Variants in NFIA observed in about 807,000 individuals in gnomAD.
The protein encoded by NFIA is nuclear factor I A.
Under a neutral mutation model 62.8 loss-of-function variants are expected in NFIA, and 8 were observed. That is an observed-to-expected ratio of 0.13 (90% CI 0.07 to 0.23). The LOEUF is 0.23. Ranked by LOEUF, NFIA falls within the 10% of genes least tolerant of loss-of-function variation. The pLI, the probability that NFIA is intolerant of heterozygous loss-of-function variation, is 1.00. For missense variants in NFIA, 410 were observed against 642.1 expected, an observed-to-expected ratio of 0.64 and a Z score of 3.91; for synonymous variants, 235 against 238.1, an observed-to-expected ratio of 0.99 and a Z score of 0.12.
upstream of NFIA, chr1:61,082,167 C>T: frequency 1.6e-6 from 1 of 631,990 alleles, no homozygotes; most frequent in Non-Finnish European, 2.6e-6. Context: ...AACTGCTCCT[C>T]ACTGCGTTAC....
intron 8 of NFIA, among the ~76,000 whole-genome samples, 196 bp from the exon 9 acceptor site, chr1:61,406,366 T>C (rs995483066): frequency 6.6e-6 from 1 of 152,162 alleles, no homozygotes; most frequent in Non-Finnish European, 1.5e-5. Context: ...AAGAGTACTT[T>C]TGTGAAATGC....
At chr1:61,299,136 T>TAGTTACATTC (rs1206309166) in intron 3 of NFIA, among the ~76,000 whole-genome samples, 1 of 152,204 alleles carries the variant, frequency 6.6e-6, no homozygotes, top group Non-Finnish European at 1.5e-5. Context: ...TGATCTTCTC[T>TAGTTACATTC]AGTTACATTC....
At chr1:61,402,196 C>G (rs1225281417) in intron 7 of NFIA, among the ~76,000 whole-genome samples, 3 of 151,872 alleles carry the variant, frequency 2.0e-5, no homozygotes, top group African/African-American at 7.3e-5. Flanking sequence ...CACCACCACA[C>G]CTGGCTAATT....
chr1:61,406,542 T>TTGGGGGGGGGGGGGGGGGG lies in NFIA; in HGVS notation c.1255-20_1255-19insTGGGGGGGGGGGGGGGGGG. 1 of 1,253,830 alleles carries TTGGGGGGGGGGGGGGGGGG rather than the reference T, an allele frequency of 8.0e-7. No individual in the cohort carries two copies. The allele number at this position is 1,253,830 out of a possible 1,614,324, so 77.7% of individuals were successfully genotyped here. A position where few individuals can be genotyped will look rare whatever the true frequency, so the allele number is the denominator to read the frequency against. ...TTCTTTTTCTTGTACGTGTGTTTTC[T>TTGGGGGGGGGGGGGGGGGG]GCCCCCCCCCCCCCCACAGCCCAAT... is the stretch of plus-strand genomic sequence containing the variant. On this transcript the variant is annotated intron_variant, in intron 8 of 10. Transcript: ENST00000403491.
At chr1:61,087,439 G>A (rs150806359) in intron 1 of NFIA, among the ~76,000 whole-genome samples, 1,776 of 150,610 alleles carry the variant, frequency 0.012, 20 homozygotes, top group Middle Eastern at 0.065. Flanking sequence ...TTATGTCTTG[G>A]GCATAGATCT....
At chr1:61,099,930 A>G (rs2100433982) in intron 2 of NFIA, among the ~76,000 whole-genome samples, 1 of 152,288 alleles carries the variant, frequency 6.6e-6, no homozygotes, top group South Asian at 2.1e-4. Context: ...CCAGGGTTAT[A>G]TGGTTAATAA....
At chr1:61,411,306 G>C (rs746916599) in intron 9 of NFIA, among the ~76,000 whole-genome samples, 1 of 152,106 alleles carries the variant, frequency 6.6e-6, no homozygotes, top group Non-Finnish European at 1.5e-5. Flanking sequence ...ATCCTTACCA[G>C]CGCCCTAAGA....
At chr1:61,082,293 C>G, upstream of NFIA, 1 of 314,754 alleles carries the variant, frequency 3.2e-6, no homozygotes, top group Non-Finnish European at 5.3e-6. Context: ...AGCGAGCCAG[C>G]CTGCGAGCGC....
chr1:61,170,607 C>T (rs1039320701), intron 2 of NFIA, among the ~76,000 whole-genome samples: 6 of 152,178 alleles, frequency 3.9e-5, no homozygotes, highest in African/African-American at 1.4e-4. Context: ...TGCCCTCCCC[C>T]ACACCCCCAG....
intron 10 of NFIA, among the ~76,000 whole-genome samples, chr1:61,433,177 G>A (rs1667180600): frequency 6.6e-6 from 1 of 152,222 alleles, no homozygotes; most frequent in Non-Finnish European, 1.5e-5. Flanking sequence ...CCTGGCTCCA[G>A]TGGGACTGTG....
intron 10 of NFIA, among the ~76,000 whole-genome samples, chr1:61,448,541 TA>T (rs924834811): frequency 1.2e-4 from 19 of 152,208 alleles, no homozygotes; most frequent in African/African-American, 4.1e-4. Context: ...GCCAGGCATT[TA>T]ATCCCCACAA....
intron 2 of NFIA, among the ~76,000 whole-genome samples, chr1:61,265,973 T>C (rs1281128335): frequency 1.3e-5 from 2 of 152,236 alleles, no homozygotes; most frequent in African/African-American, 4.8e-5. Flanking sequence ...CAGCAGCAAA[T>C]AAGCAAATAT....
rs913008294 is a variant in NFIA, at chr1:61,107,567, A to G, written c.559+18887A>G. Among the ~76,000 whole-genome samples, 24 of 151,468 alleles carry G rather than the reference A, an allele frequency of 1.6e-4. 1 individual carries two copies. Among genetic ancestry groups the G allele is most frequent in the Middle Eastern group, 6.8e-3 (2 of 294 alleles). ...TGTAGGAGTTCTTTATAGATTCTGC[A>G]TTCTAATTTTTGGCCAGTGTACGTT... On this transcript the variant is annotated intron_variant, in intron 2 of 10. Transcript: ENST00000403491.
chr1:61,391,419 A>G (rs1402715977), intron 7 of NFIA, among the ~76,000 whole-genome samples: 1 of 143,796 alleles, frequency 7.0e-6, no homozygotes, highest in Non-Finnish European at 1.5e-5. Context: ...GTTAAACCCC[A>G]CTTCTTTATG....
At position 61,293,142 on chromosome 1, in the gene NFIA, C is replaced by T. The variant is rs999126813; in HGVS notation, c.625+15557C>T. Among the ~76,000 whole-genome samples, 6 of 152,152 alleles carry T rather than the reference C, an allele frequency of 3.9e-5. No homozygotes were observed. The South Asian group carries it at 8.3e-4, about 21-fold the overall frequency. On this transcript the variant is annotated intron_variant, in intron 3 of 10. Transcript: ENST00000403491. ...TTTAAGAGCACTTAGGTCACTCTGC[C>T]ATGTTACCATTGCCCTCTCTTCCTC...
intron 2 of NFIA, among the ~76,000 whole-genome samples, chr1:61,218,415 A>C (rs570782391): frequency 6.6e-6 from 1 of 152,340 alleles, no homozygotes; most frequent in South Asian, 2.1e-4. Context: ...GTTCCCAGAC[A>C]TTCCCACAGA....
chr1:61,194,383 CAG>C (rs1263782835), intron 2 of NFIA, among the ~76,000 whole-genome samples: 1 of 152,128 alleles, frequency 6.6e-6, no homozygotes, highest in Non-Finnish European at 1.5e-5. Context: ...TTTGAGTGAA[CAG>C]AGTCACTTCT....
At chr1:61,444,228 T>G (rs1189385206) in intron 10 of NFIA, among the ~76,000 whole-genome samples, 1 of 152,242 alleles carries the variant, frequency 6.6e-6, no homozygotes, top group Non-Finnish European at 1.5e-5. Context: ...GAAGCCATTT[T>G]CAACTATAAT....
intron 2 of NFIA, among the ~76,000 whole-genome samples, chr1:61,240,141 T>G (rs890176428): frequency 1.3e-5 from 2 of 152,154 alleles, no homozygotes; most frequent in Non-Finnish European, 2.9e-5. Flanking sequence ...TCACTCTGTA[T>G]AGTATTAAGT....
Sources: gnomAD v4.1 joint callset for allele counts (sites outside exome capture counted in the v4.1 genomes callset) on GRCh38, gnomAD v4.1.1 for gene constraint, MANE v1.5 for transcripts, NCBI Gene and HGNC (gene_info 2026-07-23, HGNC 2026-07-21) for gene names.